ATM: variants seen among roughly 807,000 people sequenced by gnomAD.
ATM encodes the protein serine-protein kinase ATM.
ATM carries 308 observed loss-of-function variants against 387.0 expected under a neutral mutation model. The observed-to-expected ratio is 0.80, with a 90% CI of 0.73 to 0.87. The LOEUF (loss-of-function observed/expected upper bound fraction) is 0.87, where lower values mean the gene tolerates loss of function less well. Ranked by LOEUF, ATM falls within the 40% of genes least tolerant of loss-of-function variation. The pLI, the probability that ATM is intolerant of heterozygous loss-of-function variation, is 0.00. For synonymous variants in ATM, 1,156 were observed against 1,187.3 expected, an observed-to-expected ratio of 0.97 and a Z score of 0.54; for missense variants, 3,312 against 3,560.9, an observed-to-expected ratio of 0.93 and a Z score of 1.78.
At position 108,345,882 on chromosome 11, in the gene ATM, C is replaced by T. The variant is rs141534716; in HGVS notation, c.8558C>T (p.Thr2853Met). ...AIWFEKRLAY[T>M]RSVATSSIVG... ...TGGTTTGAGAAGCGATTGGCTTATACGCGCAGTGTAGCTACTTCTTCTATT... is the reference window on the plus strand; with the variant it reads ...TGGTTTGAGAAGCGATTGGCTTATATGCGCAGTGTAGCTACTTCTTCTATT... The change falls in exon 58 of 63, where the codon ACG (threonine) becomes ATG (methionine). Residue 2853 changes from threonine to methionine, a missense_variant. Thr to Met is a moderately conservative substitution (Grantham distance 81, BLOSUM62 -1). Coordinates refer to ENST00000675843, the MANE Select transcript of ATM (RefSeq NM_000051.4). 55 of 1,613,562 alleles carry T rather than the reference C, an allele frequency of 3.4e-5. No homozygotes were observed. Among genetic ancestry groups the T allele is most frequent in the Admixed American group, 6.7e-5 (4 of 59,974 alleles).
At position 108,297,411 on chromosome 11, in the gene ATM, T is replaced by C. The variant is rs967863288; in HGVS notation, c.5005+29T>C. ...AACTACAGTCATGCGCTGCGTGACA[T>C]TTCAGTCAACTGCGGATCACATATA... On this transcript the variant is annotated intron_variant, in intron 33 of 62. Coordinates refer to ENST00000675843, the MANE Select transcript of ATM (RefSeq NM_000051.4). 7.9e-6 allele frequency: 12 copies of C among 1,525,572 alleles called. No individual in the cohort carries two copies. The African/African-American group carries it at 1.4e-4, about 17-fold the overall frequency. The allele number at this position is 1,525,572 out of a possible 1,614,324, so 94.5% of individuals were successfully genotyped here.
intron 61 of ATM, among the ~76,000 whole-genome samples, chr11:108,358,426 A>G (rs549146100): frequency 5.6e-4 from 85 of 150,900 alleles, no homozygotes; most frequent in South Asian, 1.1e-3. Context: ...CAACGTTCAG[A>G]TTCAGGAAAT....
At chr11:108,294,488 C>G (rs1423423400) in intron 31 of ATM, among the ~76,000 whole-genome samples, 1 of 152,142 alleles carries the variant, frequency 6.6e-6, no homozygotes, top group Non-Finnish European at 1.5e-5. Flanking sequence ...GCCTGTAATC[C>G]CAGTGCTTTG....
At chr11:108,325,683 G>C in intron 46 of ATM, 139 bp downstream of exon 46, 1 of 823,236 alleles carries the variant, frequency 1.2e-6, no homozygotes, top group Non-Finnish European at 1.9e-6. Context: ...AATTGTTTAA[G>C]AGTTCCCATT....
At chr11:108,332,981 A>C in intron 53 of ATM, 81 bp downstream of exon 53, 1 of 1,505,772 alleles carries the variant, frequency 6.6e-7, no homozygotes, top group Non-Finnish European at 9.1e-7. Flanking sequence ...GAGCCTAATA[A>C]GTAAATCTGC....
chr11:108,360,232 C>T (rs1336753701), intron 61 of ATM, among the ~76,000 whole-genome samples: 47 of 142,544 alleles, frequency 3.3e-4, no homozygotes, highest in East Asian at 4.2e-4. Flanking sequence ...TACACTCTCC[C>T]AAGACTAAAC....
At chr11:108,260,926 C>T (rs1302655003) in intron 16 of ATM, among the ~76,000 whole-genome samples, 2 of 152,324 alleles carry the variant, frequency 1.3e-5, no homozygotes, top group Admixed American at 6.5e-5. Context: ...TGCTCTTTTG[C>T]GACGGGCTTA....
chr11:108,257,911 C>G (rs1220411170), intron 15 of ATM, among the ~76,000 whole-genome samples: 2 of 152,094 alleles, frequency 1.3e-5, no homozygotes, highest in Admixed American at 6.6e-5. Context: ...GTCTCTCACT[C>G]TTTCACCCAG....
intron 45 of ATM, among the ~76,000 whole-genome samples, chr11:108,322,294 A>G (rs142871022): frequency 0.011 from 1,619 of 152,222 alleles, 21 homozygotes; most frequent in Non-Finnish European, 0.014. Flanking sequence ...AGCTGGGATT[A>G]TAGGTGCCCC....
chr11:108,303,113 A>T (rs879238859), intron 36 of ATM, 84 bp downstream of exon 36: 1 of 1,277,324 alleles, frequency 7.8e-7, no homozygotes, highest in South Asian at 1.3e-5. Context: ...CATCATCTTC[A>T]CATAATATCA....
chr11:108,315,409 G>T (rs1389714420), intron 40 of ATM, among the ~76,000 whole-genome samples: 1 of 152,074 alleles, frequency 6.6e-6, no homozygotes, highest in Non-Finnish European at 1.5e-5. Flanking sequence ...ATAGATTTGT[G>T]TATATTTTAT....
intron 32 of ATM, chr11:108,295,292 C>A (rs1263763515): frequency 8.5e-6 from 4 of 469,154 alleles, no homozygotes; most frequent in South Asian, 2.5e-5. Flanking sequence ...CAAATATGAT[C>A]ATGTTTTTCT....
At chr11:108,251,186 TCTATTTCAGATG>T in intron 10 of ATM, 114 bp downstream of exon 10, 1 of 1,479,724 alleles carries the variant, frequency 6.8e-7, no homozygotes, top group East Asian at 2.3e-5. Context: ...GATGTCAAAT[TCTATTTCAGATG>T]CTTTTCTTGT....
intron 4 of ATM, among the ~76,000 whole-genome samples, chr11:108,233,783 G>C (rs2079135633): frequency 6.6e-6 from 1 of 151,906 alleles, no homozygotes; most frequent in South Asian, 2.1e-4. Context: ...GGAGGTCAAG[G>C]CTGCAGTGAG....
rs2227922 is a variant in ATM, at chr11:108,252,824, C to T, written c.1810C>T (p.Pro604Ser). 3,609 of 1,608,310 alleles carry T rather than the reference C, an allele frequency of 2.2e-3. 28 individuals are homozygous for T. The highest frequency in any genetic ancestry group is 0.012 in the Middle Eastern group (71 of 6,026). The change falls in exon 12 of 63, where the codon CCT (proline) becomes TCT (serine). Residue 604 changes from proline (P) to serine (S), a missense_variant. By Grantham distance (74) the Pro-to-Ser change is moderately conservative (BLOSUM62 -1). Around this residue, in one of 4 missense-constraint regions of ATM, gnomAD observed 1,791 missense variants for 1,804.5 expected, o/e 0.99. Coordinates refer to ENST00000675843, the MANE Select transcript of ATM (RefSeq NM_000051.4). Reference protein sequence around the residue: ...EVPPILHSNFPHLVLEKILVS... With the variant: ...EVPPILHSNFSHLVLEKILVS... Reference sequence around the variant, plus strand: ...TTTTGTTTTTCTTTGTAGTAATTTTCCTCATCTTGTACTGGAGAAAATTCT... The same window carrying T: ...TTTTGTTTTTCTTTGTAGTAATTTTTCTCATCTTGTACTGGAGAAAATTCT...
At chr11:108,356,902 A>G (rs1417416983) in intron 61 of ATM, among the ~76,000 whole-genome samples, 1 of 152,204 alleles carries the variant, frequency 6.6e-6, no homozygotes, top group African/African-American at 2.4e-5. Context: ...CTCCACCTAC[A>G]ATAACTGTCA....
intron 1 of ATM, chr11:108,225,894 T>G (rs544559312): frequency 6.6e-6 from 1 of 152,328 alleles, no homozygotes; most frequent in African/African-American, 2.4e-5. Flanking sequence ...TTTGAGATTC[T>G]GTGAGATTGA....
intron 4 of ATM, among the ~76,000 whole-genome samples, chr11:108,232,472 A>T (rs991934667): frequency 6.6e-6 from 1 of 152,076 alleles, no homozygotes; most frequent in Non-Finnish European, 1.5e-5. Context: ...TTAGTAAAAA[A>T]GAAGTAAAAG....
intron 16 of ATM, among the ~76,000 whole-genome samples, chr11:108,266,711 C>T (rs1399259811): frequency 6.6e-6 from 1 of 151,432 alleles, no homozygotes; most frequent in African/African-American, 2.4e-5. Context: ...ATCCATTTTA[C>T]TATTGTTGGA....
Sources: allele counts gnomAD v4.1 joint callset (sites outside exome capture counted in the v4.1 genomes callset), GRCh38; gene constraint gnomAD v4.1.1; regional missense constraint gnomAD v4.1.1; transcripts MANE v1.5; gene names NCBI Gene and HGNC (gene_info 2026-07-23, HGNC 2026-07-21).